Variants in RABGEF1 observed in about 807,000 individuals in gnomAD.
The protein encoded by RABGEF1 is rab5 GDP/GTP exchange factor.
RABGEF1 carries 26 observed loss-of-function variants against 57.3 expected under a neutral mutation model. The ratio of observed to expected loss-of-function variants is 0.45; its 90% CI spans 0.33 to 0.63. The LOEUF is 0.63. Ranked by LOEUF, RABGEF1 falls within the 20% of genes least tolerant of loss-of-function variation. The pLI is 0.02. For synonymous variants in RABGEF1, 185 were observed against 210.7 expected, an observed-to-expected ratio of 0.88 and a Z score of 1.06; for missense variants, 464 against 607.6, an observed-to-expected ratio of 0.76 and a Z score of 2.48.
At chr7:66,749,107 C>T (rs1457391299) in intron 1 of RABGEF1, 5 of 153,576 alleles carry the variant, frequency 3.3e-5, no homozygotes, top group African/African-American at 1.2e-4. Context: ...AGCCACCTCA[C>T]CTCCATACAG....
chr7:66,715,926 T>C (rs1795342781), intron 2 of RABGEF1, among the ~76,000 whole-genome samples: 1 of 152,150 alleles, frequency 6.6e-6, no homozygotes, highest in Admixed American at 6.6e-5. Context: ...GCTATGTGCC[T>C]TCAAAAAGAC....
At chr7:66,756,611 G>A (rs1370035938) in intron 1 of RABGEF1, among the ~76,000 whole-genome samples, 1 of 151,920 alleles carries the variant, frequency 6.6e-6, no homozygotes, top group African/African-American at 2.4e-5. Flanking sequence ...GCTACAGATA[G>A]CCTCTTAAAA....
chr7:66,728,250 C>G (rs1417780992), intron 2 of RABGEF1, among the ~76,000 whole-genome samples: 1 of 152,162 alleles, frequency 6.6e-6, no homozygotes, highest in Non-Finnish European at 1.5e-5. Flanking sequence ...CTGCCTGGTT[C>G]TTCACTCACA....
chr7:66,726,720 G>A (rs1383835737), intron 2 of RABGEF1, among the ~76,000 whole-genome samples: 3 of 152,132 alleles, frequency 2.0e-5, no homozygotes, highest in African/African-American at 2.4e-5. Context: ...AATGGACTGC[G>A]AGGTCAGGTG....
intron 2 of RABGEF1, among the ~76,000 whole-genome samples, chr7:66,720,681 A>G (rs557296379): frequency 1.1e-3 from 168 of 152,290 alleles, no homozygotes; most frequent in Non-Finnish European, 2.0e-3. Context: ...TTAGCATAGT[A>G]CTAGAGGTTC....
intron 1 of RABGEF1, among the ~76,000 whole-genome samples, chr7:66,683,280 C>T (rs186221141): frequency 2.6e-4 from 40 of 152,296 alleles, no homozygotes; most frequent in African/African-American, 9.6e-4. Flanking sequence ...GCGGCTTTAA[C>T]TGCTGTTAGT....
At chr7:66,794,578 C>T (rs185320684) in intron 4 of RABGEF1, among the ~76,000 whole-genome samples, 25 of 152,202 alleles carry the variant, frequency 1.6e-4, no homozygotes, top group African/African-American at 5.8e-4. Flanking sequence ...TAAAAATTAT[C>T]AAGCCCAATG....
intron 1 of RABGEF1, among the ~76,000 whole-genome samples, chr7:66,751,031 T>C (rs1340521527): frequency 4.2e-5 from 6 of 143,398 alleles, no homozygotes; most frequent in African/African-American, 1.5e-4. Flanking sequence ...CCTCTTTTTT[T>C]CTTTTTTTTT....
chr7:66,690,053 C>G (rs1359966223), intron 1 of RABGEF1, among the ~76,000 whole-genome samples: 3 of 149,410 alleles, frequency 2.0e-5, no homozygotes. Flanking sequence ...AAAGGCACTA[C>G]AAGAAAACAA....
At chr7:66,784,290 C>A (rs1239727164) in intron 4 of RABGEF1, among the ~76,000 whole-genome samples, 7 of 152,150 alleles carry the variant, frequency 4.6e-5, no homozygotes, top group Non-Finnish European at 1.0e-4. Context: ...AGAATTTAGA[C>A]AATGAAAGGG....
At chr7:66,732,812 G>A (rs2178742) in intron 2 of RABGEF1, among the ~76,000 whole-genome samples, 15,667 of 151,352 alleles carry the variant, frequency 0.1, 984 homozygotes, top group South Asian at 0.2. Context: ...TTTTGCTCTC[G>A]CTCTCACTCT....
At chr7:66,762,754 A>G (rs1337725151) in intron 1 of RABGEF1, among the ~76,000 whole-genome samples, 1 of 152,122 alleles carries the variant, frequency 6.6e-6, no homozygotes, top group Non-Finnish European at 1.5e-5. Flanking sequence ...TAAATAGGAC[A>G]TGGAGAAATG....
intron 1 of RABGEF1, among the ~76,000 whole-genome samples, chr7:66,748,312 T>A (rs1009453829): frequency 5.3e-5 from 8 of 152,168 alleles, no homozygotes; most frequent in Non-Finnish European, 1.2e-4. Flanking sequence ...AAGGATCTGT[T>A]TTAGATTATC....
At chr7:66,677,538 G>T (rs1038563525), upstream of RABGEF1, among the ~76,000 whole-genome samples, 1 of 151,982 alleles carries the variant, frequency 6.6e-6, no homozygotes, top group Non-Finnish European at 1.5e-5. Flanking sequence ...CGAGGCGGGC[G>T]GATCACAAGG....
intron 1 of RABGEF1, among the ~76,000 whole-genome samples, chr7:66,745,557 A>G (rs1166753149): frequency 6.6e-6 from 1 of 152,128 alleles, no homozygotes; most frequent in Non-Finnish European, 1.5e-5. Context: ...ACTTAAGGCC[A>G]GGAGTTTGAG....
chr7:66,791,065 G>T (rs1459512654), intron 4 of RABGEF1, among the ~76,000 whole-genome samples: 1 of 152,138 alleles, frequency 6.6e-6, no homozygotes, highest in Non-Finnish European at 1.5e-5. Context: ...GGAAAGCAAG[G>T]GTTGAAACAT....
At chr7:66,724,526 A>C (rs1463291199) in intron 2 of RABGEF1, among the ~76,000 whole-genome samples, 5 of 151,846 alleles carry the variant, frequency 3.3e-5, no homozygotes, top group African/African-American at 1.2e-4. Flanking sequence ...CGCCCAGCTA[A>C]TTTTTGTATT....
chr7:66,669,665 G>T, the RABGEF1 span: 3 of 152,164 alleles, frequency 2.0e-5, no homozygotes, highest in African/African-American at 7.2e-5. Flanking sequence ...ACAGAGCTCT[G>T]TCAGTCATTA....
At chr7:66,683,021 C>T (rs1232525507) in intron 1 of RABGEF1, among the ~76,000 whole-genome samples, 1 of 152,154 alleles carries the variant, frequency 6.6e-6, no homozygotes, top group Non-Finnish European at 1.5e-5. Flanking sequence ...CGTCCGTGGG[C>T]TCGTTTTGCC....
Sources: allele counts gnomAD v4.1 joint callset (sites outside exome capture counted in the v4.1 genomes callset), GRCh38; gene constraint gnomAD v4.1.1; transcripts MANE v1.5; gene names NCBI Gene and HGNC (gene_info 2026-07-23, HGNC 2026-07-21).